Variants in XKRX observed in about 807,000 individuals in gnomAD.
XKRX encodes the protein XK related X-linked.
XKRX carries 11 observed loss-of-function variants against 22.4 expected under a neutral mutation model. The ratio of observed to expected loss-of-function variants is 0.49; its 90% confidence interval spans 0.31 to 0.81. XKRX has a LOEUF of 0.81. Among genes scored for constraint, XKRX ranks in the 40% least tolerant of loss-of-function variants. XKRX has a pLI of 0.05. For synonymous variants in XKRX, 114 were observed against 132.2 expected (o/e 0.86, Z 0.94); for missense variants, 320 against 336.5 (o/e 0.95, Z 0.38).
chrX:100,925,613 T>C (rs757099861), intron 1 of XKRX, among the ~76,000 whole-genome samples: 2 of 111,740 alleles, frequency 1.8e-5, no homozygotes, highest in South Asian at 7.5e-4. Flanking sequence ...CTTTCTGAAA[T>C]TTGTATCTTG....
At chrX:100,919,011 T>C (rs2147940227) in intron 2 of XKRX, among the ~76,000 whole-genome samples, 1 of 111,340 alleles carries the variant, frequency 9.0e-6, no homozygotes, top group East Asian at 2.8e-4. Context: ...CTATACAACT[T>C]TACTGAAGAA....
the XKRX span, chrX:100,888,531 A>G: frequency 4.8e-6 from 3 of 625,560 alleles, no homozygotes; most frequent in East Asian, 3.3e-5. Context: ...TCAAACCTCA[A>G]CTCTCCAATG....
the XKRX span, among the ~76,000 whole-genome samples, chrX:100,905,189 A>G: frequency 8.9e-6 from 1 of 111,757 alleles, no homozygotes; most frequent in Non-Finnish European, 1.9e-5. Flanking sequence ...AGTTACTCTC[A>G]GCTTCAGCTT....
chrX:100,897,071 C>T, the XKRX span, among the ~76,000 whole-genome samples: 1 of 110,807 alleles, frequency 9.0e-6, no homozygotes, highest in African/African-American at 3.3e-5. Flanking sequence ...TTTCCATAGT[C>T]TTAATGTTAA....
rs1468885943 is a variant in XKRX at position 100,914,630 on chromosome X, T to C, written c.1058A>G (p.Tyr353Cys). The part of the protein sequence containing the change: ...GQNWGHMGLH[Y>C]SVRLVENVIM... ...CACATTCTCTACCAACCTCACACTA[T>C]AGTGCAGGCCCATATGTCCCCAGTT... The change falls in exon 3 of 3, where the codon TAT (tyrosine) becomes TGT (cysteine). Residue 353 changes from tyrosine (Y) to cysteine (C), a missense_variant. Transcript: ENST00000372956. The C allele has an allele frequency of 5.8e-6, 7 of 1,210,241 alleles. No individual in the cohort carries two copies. The highest frequency in any genetic ancestry group is 7.8e-6 in the Non-Finnish European group (7 of 895,344).
chrX:100,888,141 G>A, the XKRX span: 1 of 1,170,542 alleles, frequency 8.5e-7, no homozygotes, highest in African/African-American at 1.7e-5. Flanking sequence ...GTCGTCAAAG[G>A]TTACAAAGGC....
the XKRX span, among the ~76,000 whole-genome samples, chrX:100,901,529 T>C: frequency 7.2e-5 from 8 of 111,364 alleles, no homozygotes; most frequent in Non-Finnish European, 1.1e-4. Context: ...AATCCACAAG[T>C]GAGAGATTTC....
chrX:100,889,629 C>G, the XKRX span, among the ~76,000 whole-genome samples: 1 of 110,600 alleles, frequency 9.0e-6, no homozygotes, highest in African/African-American at 3.3e-5. Flanking sequence ...TTCTATAAGC[C>G]AAGGAATGCC....
chrX:100,928,426 T>C lies in XKRX; in HGVS notation c.-122A>G. 8.8e-7 allele frequency: 1 copy of C among 1,138,098 alleles called. No homozygotes were observed. Among genetic ancestry groups the C allele is most frequent in the Non-Finnish European group, 1.2e-6 (1 of 863,184 alleles). 93.8% of individuals were successfully genotyped at this position (1,138,098 alleles called of 1,213,427 possible). A position where few individuals can be genotyped will look rare whatever the true frequency, so the allele number is the denominator to read the frequency against. Reference sequence around the variant, plus strand: ...TGAGGAGAGCTCTGTCAAGTCCAGTTTGGGAACAGAGATTCACTAGTTAGA... The same window carrying C: ...TGAGGAGAGCTCTGTCAAGTCCAGTCTGGGAACAGAGATTCACTAGTTAGA... On this transcript the variant is annotated 5_prime_UTR_variant, in exon 1 of 3. Coordinates refer to ENST00000372956, the MANE Select transcript of XKRX (RefSeq NM_212559.3).
chrX:100,955,072 T>C, the XKRX span, among the ~76,000 whole-genome samples: 1 of 112,231 alleles, frequency 8.9e-6, no homozygotes, highest in African/African-American at 3.2e-5. Context: ...ATGTGAATTA[T>C]GTCTCAATAA....
chrX:100,892,996 T>A, the XKRX span, among the ~76,000 whole-genome samples: 670 of 112,014 alleles, frequency 6.0e-3, 8 homozygotes, highest in African/African-American at 0.02. Context: ...TATTCAGCTT[T>A]AAAAAAAGAA....
At chrX:100,924,064 C>A (rs1838422647) in intron 1 of XKRX, among the ~76,000 whole-genome samples, 1 of 97,101 alleles carries the variant, frequency 1.0e-5, no homozygotes, top group African/African-American at 3.8e-5. Context: ...GTTGGCCAGG[C>A]TGGTCTTGAA....
the XKRX span, among the ~76,000 whole-genome samples, chrX:100,934,997 C>CAG: frequency 1.8e-5 from 2 of 109,678 alleles, no homozygotes; most frequent in Non-Finnish European, 3.8e-5. Flanking sequence ...CAGAGAGAGA[C>CAG]AGAGAGAGAG....
chrX:100,937,281 G>A, the XKRX span, among the ~76,000 whole-genome samples: 11 of 111,244 alleles, frequency 9.9e-5, no homozygotes, highest in African/African-American at 6.5e-5. Flanking sequence ...ATAAGCCACC[G>A]CGCCCGGCCA....
At chrX:100,923,205 G>T in intron 1 of XKRX, 144 bp from the exon 2 acceptor site, 1 of 692,795 alleles carries the variant, frequency 1.4e-6, no homozygotes, top group Non-Finnish European at 2.1e-6. Context: ...TGGCTGGAGT[G>T]CAGTGGCACA....
the XKRX span, among the ~76,000 whole-genome samples, chrX:100,938,888 T>C: frequency 8.9e-6 from 1 of 112,149 alleles, no homozygotes; most frequent in African/African-American, 3.2e-5. Flanking sequence ...ATGTTGATAA[T>C]CACCAAAGAT....
At chrX:100,932,137 C>A (rs983939335), upstream of XKRX, among the ~76,000 whole-genome samples, 3 of 111,458 alleles carry the variant, frequency 2.7e-5, no homozygotes, top group South Asian at 1.1e-3. Context: ...CCCTAGGATT[C>A]TCTGGCGCTT....
the XKRX span, among the ~76,000 whole-genome samples, chrX:100,937,144 C>A: frequency 9.1e-6 from 1 of 110,425 alleles, no homozygotes. Flanking sequence ...GCACGTGCCA[C>A]CATGTCCAGC....
Position 100,928,521 on chromosome X carries a change from T to C in XKRX, c.-217A>G, listed in dbSNP as rs774757424. 203 of 1,042,951 alleles carry C rather than the reference T, an allele frequency of 1.9e-4. No homozygotes were observed. Among genetic ancestry groups the C allele is most frequent in the Non-Finnish European group, 2.3e-4 (192 of 818,383 alleles). 86.0% of individuals were successfully genotyped at this position (1,042,951 alleles called of 1,213,427 possible). ...GGGATGGAAAGCCCAGGAGTACCAC[T>C]TTGAACTTGACTCTTGATTGGCCCC... On this transcript the variant is annotated 5_prime_UTR_variant, in exon 1 of 3. Transcript: ENST00000372956.
Sources: gnomAD v4.1 joint callset for allele counts (sites outside exome capture counted in the v4.1 genomes callset) on GRCh38, gnomAD v4.1.1 for gene constraint, MANE v1.5 for transcripts, NCBI Gene and HGNC (gene_info 2026-07-23, HGNC 2026-07-21) for gene names.